The following KCNMA1 variants were observed in gnomAD, a reference collection of about 807,000 sequenced individuals.
KCNMA1 encodes potassium calcium-activated channel subfamily M alpha 1, also known as Calcium-activated potassium channel subunit alpha-1.
KCNMA1 carries 29 observed loss-of-function variants against 140.0 expected under a neutral mutation model. That is an observed-to-expected ratio of 0.21 (90% CI 0.15 to 0.28). KCNMA1 has a LOEUF of 0.28. KCNMA1 is among the 10% of genes least tolerant of loss of function. The pLI is 1.00. For missense variants in KCNMA1, 880 were observed against 1,602.2 expected, an observed-to-expected ratio of 0.55 and a Z score of 7.70; for synonymous variants, 612 against 611.9, an observed-to-expected ratio of 1.00 and a Z score of 0.00.
rs554058353 is a variant in KCNMA1 at position 77,285,713 on chromosome 10, G to A, written c.541-34457C>T. Among the ~76,000 whole-genome samples, 3 of 152,234 alleles carry A rather than the reference G, an allele frequency of 2.0e-5. No individual in the cohort carries two copies. In the South Asian group the frequency reaches 6.2e-4, roughly 32 times the overall value. On this transcript the variant is annotated intron_variant, in intron 2 of 27. Transcript: ENST00000286628. ...TTACCACATGGCATAGGGGTGAGGTGCCAGGCTCTGGAGTCAAATTGCCTG... is the reference window on the plus strand; with the variant it reads ...TTACCACATGGCATAGGGGTGAGGTACCAGGCTCTGGAGTCAAATTGCCTG...
At chr10:76,877,768 G>A in exon 30 of KCNMA1, 1 of 1,561,668 alleles carries the variant, frequency 6.4e-7, no homozygotes, top group Non-Finnish European at 8.7e-7. Context: ...TCTCTGATTG[G>A]TGGAATCAAG....
chr10:77,551,602 G>T (rs143219611), intron 1 of KCNMA1, among the ~76,000 whole-genome samples: 1 of 152,252 alleles, frequency 6.6e-6, no homozygotes, highest in East Asian at 1.9e-4. Context: ...TCCTGCCTAG[G>T]GCCTGGAAAA....
At chr10:77,584,238 C>T (rs964201082) in intron 1 of KCNMA1, among the ~76,000 whole-genome samples, 1 of 152,192 alleles carries the variant, frequency 6.6e-6, no homozygotes, top group Admixed American at 6.5e-5. Context: ...GTATTCACTA[C>T]CCACTCGTCC....
chr10:77,588,558 AT>A (rs574124975), intron 1 of KCNMA1, among the ~76,000 whole-genome samples: 124 of 152,308 alleles, frequency 8.1e-4, no homozygotes, highest in African/African-American at 2.7e-3. Context: ...AGAGCAGAGA[AT>A]TTTAGACAGA....
chr10:77,124,067 T>C lies in KCNMA1; in HGVS notation c.809-3019A>G, dbSNP rs1236573504. On this transcript the variant is annotated intron_variant, in intron 5 of 27. Transcript: ENST00000286628. ...CAGACTACGGTTGCCTGGGGATAAC[T>C]GAAACCTCAGGAAGCAAAACCATAG... Among the ~76,000 whole-genome samples, 6 of 152,358 alleles carry C rather than the reference T, an allele frequency of 3.9e-5. No homozygotes were observed. In the East Asian group the frequency reaches 1.2e-3, roughly 29 times the overall value.
chr10:76,914,673 C>G, intron 24 of KCNMA1: 1 of 406,228 alleles, frequency 2.5e-6, no homozygotes, highest in Non-Finnish European at 4.6e-6. Flanking sequence ...ATGCCCCAAT[C>G]GCAAATCCAT....
intron 19 of KCNMA1, among the ~76,000 whole-genome samples, chr10:76,979,326 AAG>A (rs947415729): frequency 2.0e-5 from 3 of 152,200 alleles, no homozygotes; most frequent in African/African-American, 7.2e-5. Flanking sequence ...AGAAACAGAA[AAG>A]AGAGCTGGGG....
chr10:76,911,485 T>G (rs1290467448), intron 24 of KCNMA1: 1 of 152,182 alleles, frequency 6.6e-6, no homozygotes, highest in East Asian at 1.9e-4. Flanking sequence ...GGGCAAAGCA[T>G]TTCATCATTC....
downstream of KCNMA1, chr10:76,877,527 A>G (rs2151421671): frequency 5.0e-6 from 2 of 401,532 alleles, no homozygotes; most frequent in East Asian, 5.4e-5. Flanking sequence ...CTATTTTAGT[A>G]TGTTCATTTA....
At chr10:77,596,729 A>T (rs2081051254) in intron 1 of KCNMA1, among the ~76,000 whole-genome samples, 1 of 152,212 alleles carries the variant, frequency 6.6e-6, no homozygotes, top group Non-Finnish European at 1.5e-5. Context: ...ATTAGCCATA[A>T]TGCAAATAAC....
chr10:77,473,951 G>T (rs930176517), intron 1 of KCNMA1, among the ~76,000 whole-genome samples: 1 of 152,166 alleles, frequency 6.6e-6, no homozygotes, highest in Non-Finnish European at 1.5e-5. Flanking sequence ...GCCTCGCTGC[G>T]TTCTGAACAG....
At chr10:77,144,051 C>T (rs2098239087) in intron 5 of KCNMA1, among the ~76,000 whole-genome samples, 1 of 151,818 alleles carries the variant, frequency 6.6e-6, no homozygotes, top group African/African-American at 2.4e-5. Flanking sequence ...ATCCTATGAC[C>T]CAGAGACTCA....
intron 5 of KCNMA1, among the ~76,000 whole-genome samples, chr10:77,171,343 G>A (rs1421499807): frequency 4.0e-5 from 6 of 151,576 alleles, no homozygotes; most frequent in African/African-American, 1.5e-4. Context: ...TCCTTACCAC[G>A]ACCCAAAGAG....
chr10:77,181,316 C>A (rs1051868522), intron 5 of KCNMA1, among the ~76,000 whole-genome samples: 2 of 152,298 alleles, frequency 1.3e-5, no homozygotes, highest in East Asian at 3.9e-4. Flanking sequence ...TCCCCTTCCC[C>A]ATCGATTTCC....
intron 1 of KCNMA1, among the ~76,000 whole-genome samples, chr10:77,577,008 G>C (rs1170212071): frequency 6.6e-6 from 1 of 152,162 alleles, no homozygotes; most frequent in Non-Finnish European, 1.5e-5. Context: ...GGAAAGAATG[G>C]AGAAGAATGG....
In KCNMA1 at chr10:77,226,570, T is replaced by C. The variant is rs549385124; in HGVS notation, c.602+24625A>G. 1.7e-3 allele frequency among the ~76,000 whole-genome samples: 253 copies of C among 152,146 alleles called. 2 individuals carry two copies. Among genetic ancestry groups the C allele is most frequent in the African/African-American group, 5.9e-3 (243 of 41,518 alleles). ...AGAGTGATTTGGTGAAGTTCAGCAG[T>C]GAAAGCAATTTCTTACTCGGAAAAT... On this transcript the variant is annotated intron_variant, in intron 3 of 27. Transcript: ENST00000286628.
chr10:77,226,256 A>G (rs1238342715), intron 3 of KCNMA1, among the ~76,000 whole-genome samples: 1 of 152,066 alleles, frequency 6.6e-6, no homozygotes, highest in Non-Finnish European at 1.5e-5. Context: ...TTGCTGTTCT[A>G]TTTATAACCA....
intron 1 of KCNMA1, among the ~76,000 whole-genome samples, chr10:77,592,157 A>G (rs891325326): frequency 6.6e-6 from 1 of 151,362 alleles, no homozygotes; most frequent in African/African-American, 2.4e-5. Flanking sequence ...AATAAATAAA[A>G]CAAAAAAAAA....
At chr10:76,952,190 T>C (rs1340920635) in intron 21 of KCNMA1, 3 of 1,548,808 alleles carry the variant, frequency 1.9e-6, no homozygotes, top group Non-Finnish European at 2.6e-6. Flanking sequence ...AGGCTAAATT[T>C]AGGCCACCAG....
Sources: allele counts gnomAD v4.1 joint callset (sites outside exome capture counted in the v4.1 genomes callset), GRCh38; gene constraint gnomAD v4.1.1; transcripts MANE v1.5; gene names NCBI Gene and HGNC (gene_info 2026-07-23, HGNC 2026-07-21).